The following HERC3 variants were observed in gnomAD, a reference collection of about 807,000 sequenced individuals.
The protein encoded by HERC3 is probable E3 ubiquitin-protein ligase HERC3.
In HERC3, 58 loss-of-function variants were observed where a neutral mutation model predicts 129.9. That is an observed-to-expected ratio of 0.45 (90% CI 0.36 to 0.56). The LOEUF (loss-of-function observed/expected upper bound fraction) is 0.56. Ranked by LOEUF, HERC3 falls within the 20% of genes least tolerant of loss-of-function variation. HERC3 has a pLI of 0.00. For synonymous variants in HERC3, 430 were observed against 451.0 expected, an observed-to-expected ratio of 0.95 and a Z score of 0.59; for missense variants, 835 against 1,244.2, an observed-to-expected ratio of 0.67 and a Z score of 4.95.
In HERC3 at chr4:88,656,033, C is replaced by T. The variant is rs1209210926; in HGVS notation, c.1067C>T (p.Ala356Val). 6.2e-7 allele frequency: 1 copy of T among 1,613,812 alleles called. No individual in the cohort carries two copies. The highest frequency in any genetic ancestry group is 1.7e-5 in the Admixed American group (1 of 59,998). Residue 356 changes from alanine to valine, a missense_variant and splice_region_variant, in exon 9 of 26, where the codon GCT becomes GTT. Transcript: ENST00000402738. ...AAHSGQLSAR[A>V]DRFKYHIVKQ... ...CACAGTGGCCAGCTTTCAGCCCGAG[C>T]TGGTAAGAATGATTGTCTCTGGAAT...
intron 2 of HERC3, among the ~76,000 whole-genome samples, chr4:88,599,083 T>C (rs1722708780): frequency 6.6e-6 from 1 of 152,170 alleles, no homozygotes; most frequent in Non-Finnish European, 1.5e-5. Context: ...GTAAGGACCT[T>C]GGAGATCAAA....
chr4:88,697,584 G>C (rs1027995701), intron 23 of HERC3: 3 of 1,613,804 alleles, frequency 1.9e-6, no homozygotes, highest in South Asian at 2.2e-5. Context: ...TCTCTGCAGG[G>C]GTCTGGGGCT....
chr4:88,550,021 T>G, the HERC3 span, among the ~76,000 whole-genome samples: 1 of 152,112 alleles, frequency 6.6e-6, no homozygotes, highest in South Asian at 2.1e-4. Context: ...GGAAGGGGAA[T>G]GGGGTATGAC....
At chr4:88,589,791 C>T (rs1458124903), upstream of HERC3, among the ~76,000 whole-genome samples, 3 of 152,252 alleles carry the variant, frequency 2.0e-5, no homozygotes, top group East Asian at 1.9e-4. Context: ...AAAAATAAAT[C>T]GAAGTACTGT....
intron 3 of HERC3, among the ~76,000 whole-genome samples, chr4:88,630,968 G>C (rs1166126153): frequency 6.6e-6 from 1 of 152,160 alleles, no homozygotes; most frequent in Non-Finnish European, 1.5e-5. Flanking sequence ...CCCATTCCCT[G>C]TGACAGGGCT....
chr4:88,597,720 A>G (rs1232500905), intron 2 of HERC3, among the ~76,000 whole-genome samples: 1 of 152,228 alleles, frequency 6.6e-6, no homozygotes, highest in Non-Finnish European at 1.5e-5. Flanking sequence ...CAGGTAGTGA[A>G]GAAGGCACCA....
the HERC3 span, among the ~76,000 whole-genome samples, chr4:88,528,381 G>T: frequency 1.6e-4 from 25 of 152,138 alleles, no homozygotes; most frequent in Non-Finnish European, 3.4e-4. Flanking sequence ...CCTACTGATG[G>T]CAGCAGCCAC....
chr4:88,627,453 G>A (rs746031304), intron 3 of HERC3, among the ~76,000 whole-genome samples: 3 of 152,170 alleles, frequency 2.0e-5, no homozygotes, highest in Non-Finnish European at 2.9e-5. Flanking sequence ...AGGAGGATGT[G>A]TGTAGGTTAT....
At position 88,606,065 on chromosome 4, in the gene HERC3, C is replaced by T. The variant is rs1723585981; in HGVS notation, c.226+16C>T. The T allele has an allele frequency of 1.9e-6, 3 of 1,597,104 alleles. No individual in the cohort carries two copies. The African/African-American group carries it at 4.0e-5, about 21-fold the overall frequency. ...AACAAGCCAGGTAAGTGCACCTTAT[C>T]TGTCTTGATTATTGGTGAGAATGGA... On this transcript the variant is annotated intron_variant, in intron 3 of 25. Coordinates refer to ENST00000402738, the MANE Select transcript of HERC3 (RefSeq NM_014606.3).
At chr4:88,608,344 G>T in intron 3 of HERC3, among the ~76,000 whole-genome samples, 1 of 152,154 alleles carries the variant, frequency 6.6e-6, no homozygotes, top group Non-Finnish European at 1.5e-5. Context: ...TCATCTGGGG[G>T]CAGTACCCCA....
chr4:88,683,766 G>A (rs931112022), intron 21 of HERC3, among the ~76,000 whole-genome samples: 4 of 152,100 alleles, frequency 2.6e-5, no homozygotes, highest in African/African-American at 9.7e-5. Context: ...TCTTTAGTTA[G>A]TGTGACAGAG....
chr4:88,654,228 A>G, intron 7 of HERC3, 95 bp downstream of exon 7: 1 of 820,008 alleles, frequency 1.2e-6, no homozygotes, highest in Non-Finnish European at 2.0e-6. Flanking sequence ...GTGTGATTAC[A>G]GTATTGTGGC....
the HERC3 span, among the ~76,000 whole-genome samples, chr4:88,580,048 T>C: frequency 1.3e-5 from 2 of 152,184 alleles, no homozygotes; most frequent in Non-Finnish European, 1.5e-5. Flanking sequence ...TTTTGTGTTG[T>C]TTTAGGCCAC....
chr4:88,622,286 C>G (rs1029214743), intron 3 of HERC3, among the ~76,000 whole-genome samples: 1 of 152,190 alleles, frequency 6.6e-6, no homozygotes, highest in African/African-American at 2.4e-5. Context: ...TTTTCCAGGT[C>G]CATCCATGTT....
At chr4:88,616,865 T>C (rs1013148245) in intron 3 of HERC3, among the ~76,000 whole-genome samples, 2 of 152,116 alleles carry the variant, frequency 1.3e-5, no homozygotes, top group African/African-American at 4.8e-5. Context: ...CTTTCTGTTC[T>C]GGAGTGGAAT....
intron 9 of HERC3, 58 bp from the exon 10 acceptor site, chr4:88,658,357 G>GA: frequency 1.1e-6 from 1 of 903,330 alleles, no homozygotes; most frequent in Non-Finnish European, 1.8e-6. Context: ...TAGAAAAGGG[G>GA]ATCAAGGAGA....
chr4:88,586,067 A>T, the HERC3 span, among the ~76,000 whole-genome samples: 387 of 152,322 alleles, frequency 2.5e-3, 3 homozygotes, highest in African/African-American at 8.8e-3. Flanking sequence ...ACTTTTAGGA[A>T]TTTACTTTAC....
At chr4:88,688,624 A>G (rs535166943) in intron 23 of HERC3, among the ~76,000 whole-genome samples, 1 of 152,348 alleles carries the variant, frequency 6.6e-6, no homozygotes, top group Non-Finnish European at 1.5e-5. Context: ...GGAAAGTTCC[A>G]TTTTGAATAT....
At chr4:88,676,956 G>A (rs375148557) in intron 18 of HERC3, among the ~76,000 whole-genome samples, 43 of 152,070 alleles carry the variant, frequency 2.8e-4, no homozygotes, top group African/African-American at 9.6e-4. Context: ...CCTGGCCAAC[G>A]TGGTAAAACC....
Sources: gnomAD v4.1 joint callset for allele counts (sites outside exome capture counted in the v4.1 genomes callset) on GRCh38, gnomAD v4.1.1 for gene constraint, MANE v1.5 for transcripts, NCBI Gene and HGNC (gene_info 2026-07-23, HGNC 2026-07-21) for gene names.